ADORA2B: variants seen among roughly 807,000 people sequenced by gnomAD.
The protein encoded by ADORA2B is adenosine receptor A2b.
Under a neutral mutation model 20.8 loss-of-function variants are expected in ADORA2B, and 18 were observed. That is an observed-to-expected ratio of 0.87 (90% CI 0.60 to 1.29). ADORA2B has a LOEUF of 1.29. Among genes scored for constraint, ADORA2B ranks in the 50% most tolerant of loss-of-function variants. ADORA2B has a pLI of 0.00. For missense variants in ADORA2B, 441 were observed against 422.7 expected (o/e 1.04, Z -0.38); for synonymous variants, 179 against 178.3 (o/e 1.00, Z -0.03).
chr17:15,924,130 C>T, the ADORA2B span, among the ~76,000 whole-genome samples: 1 of 152,024 alleles, frequency 6.6e-6, no homozygotes, highest in Non-Finnish European at 1.5e-5. Flanking sequence ...CCAGGCTGGT[C>T]TCGATCTCCT....
the ADORA2B span, among the ~76,000 whole-genome samples, chr17:15,901,622 C>T: frequency 3.9e-5 from 6 of 152,192 alleles, no homozygotes; most frequent in South Asian, 1.2e-3. Context: ...ATACACTGTA[C>T]AGGGGGAAAC....
chr17:15,918,931 G>A, the ADORA2B span, among the ~76,000 whole-genome samples: 3 of 152,288 alleles, frequency 2.0e-5, no homozygotes, highest in Admixed American at 1.3e-4. Context: ...AGAGGCCCAG[G>A]CAGGAGGAGC....
chr17:15,944,762 C>T (rs1969775819), upstream of ADORA2B, among the ~76,000 whole-genome samples: 1 of 152,098 alleles, frequency 6.6e-6, no homozygotes, highest in African/African-American at 2.4e-5. This position sits in a 1 kb window ranked among gnomAD's most constrained non-coding sequence, Gnocchi z 4.8. Context: ...TCGCCCCGCC[C>T]GGGGTTGCGC....
the ADORA2B span, among the ~76,000 whole-genome samples, chr17:15,868,890 G>A: frequency 6.6e-6 from 1 of 151,094 alleles, no homozygotes; most frequent in Non-Finnish European, 1.5e-5. Context: ...AATAAATATA[G>A]TTTGAAGGGC....
At chr17:15,964,789 C>A (rs143905829) in intron 1 of ADORA2B, among the ~76,000 whole-genome samples, 1 of 151,288 alleles carries the variant, frequency 6.6e-6, no homozygotes, top group South Asian at 2.1e-4. Flanking sequence ...TGGCCGGGCG[C>A]GGTGGCTCAC....
the ADORA2B span, among the ~76,000 whole-genome samples, chr17:15,886,319 T>A: frequency 1.0e-5 from 1 of 98,376 alleles, no homozygotes; most frequent in Admixed American, 9.5e-5. Flanking sequence ...CCTGCCTGCC[T>A]GTGCCACAGC....
the ADORA2B span, among the ~76,000 whole-genome samples, chr17:15,871,016 T>G: frequency 2.6e-5 from 4 of 152,278 alleles, no homozygotes; most frequent in African/African-American, 7.2e-5. Flanking sequence ...CAGTGGAGTT[T>G]GTTTGAAAAT....
the ADORA2B span, among the ~76,000 whole-genome samples, chr17:15,865,245 T>A: frequency 0.082 from 12,430 of 152,210 alleles, 1,421 homozygotes; most frequent in African/African-American, 0.25. Flanking sequence ...GCACAAAATA[T>A]AAACTATAGT....
At chr17:15,865,632 G>A in the ADORA2B span, among the ~76,000 whole-genome samples, 1 of 152,086 alleles carries the variant, frequency 6.6e-6, no homozygotes, top group Non-Finnish European at 1.5e-5. Context: ...CAGAAGAAGA[G>A]CATCGCCAGC....
the ADORA2B span, among the ~76,000 whole-genome samples, chr17:15,857,524 A>G: frequency 2.6e-4 from 39 of 152,204 alleles, no homozygotes; most frequent in African/African-American, 9.4e-4. Flanking sequence ...GAAAGCAGCT[A>G]GAAGGGGTGT....
chr17:15,916,385 G>T, the ADORA2B span, among the ~76,000 whole-genome samples: 1 of 152,198 alleles, frequency 6.6e-6, no homozygotes, highest in Non-Finnish European at 1.5e-5. Context: ...AAAGAAGGAA[G>T]GGCTTTATTC....
chr17:15,932,490 CAA>C, the ADORA2B span, among the ~76,000 whole-genome samples: 3,797 of 76,280 alleles, frequency 0.05, 149 homozygotes, highest in African/African-American at 0.14. Flanking sequence ...AAGACTCTCT[CAA>C]AAAAAAAAAA....
At chr17:15,923,206 A>C in the ADORA2B span, among the ~76,000 whole-genome samples, 5 of 113,528 alleles carry the variant, frequency 4.4e-5, no homozygotes, top group East Asian at 2.5e-4. Context: ...TCTTTTTTTA[A>C]TTTTTTTTTT....
chr17:15,897,332 C>T, the ADORA2B span, among the ~76,000 whole-genome samples: 20 of 152,266 alleles, frequency 1.3e-4, no homozygotes, highest in African/African-American at 4.6e-4. Flanking sequence ...CTAAGGGAGG[C>T]TGAGGCAGGA....
the ADORA2B span, among the ~76,000 whole-genome samples, chr17:15,865,049 A>G: frequency 6.6e-6 from 1 of 151,864 alleles, no homozygotes; most frequent in South Asian, 2.1e-4. Flanking sequence ...TAAAGGCCCT[A>G]CATAAATGAG....
At chr17:15,889,159 C>T in the ADORA2B span, among the ~76,000 whole-genome samples, 7 of 126,178 alleles carry the variant, frequency 5.5e-5, 3 homozygotes, top group African/African-American at 2.4e-4. Flanking sequence ...TTAACCACTA[C>T]ACCCAGCCCA....
chr17:15,921,552 A>T, the ADORA2B span, among the ~76,000 whole-genome samples: 5 of 152,230 alleles, frequency 3.3e-5, no homozygotes, highest in African/African-American at 1.2e-4. Flanking sequence ...CAAAGAAAAT[A>T]AAAATGTCCT....
At chr17:15,939,786 AGGAGGC>A in the ADORA2B span, among the ~76,000 whole-genome samples, 1 of 149,104 alleles carries the variant, frequency 6.7e-6, no homozygotes, top group Non-Finnish European at 1.5e-5. Flanking sequence ...GCATGAACCC[AGGAGGC>A]GGAGCTTGCG....
At chr17:15,958,333 A>G (rs1477349475) in intron 1 of ADORA2B, among the ~76,000 whole-genome samples, 1 of 151,888 alleles carries the variant, frequency 6.6e-6, no homozygotes, top group South Asian at 2.1e-4. Context: ...ACACTTCTTA[A>G]ACTCTCCCTC....
Sources: gnomAD v4.1 joint callset for allele counts (sites outside exome capture counted in the v4.1 genomes callset) on GRCh38, gnomAD v4.1.1 for gene constraint, Gnocchi (gnomAD v3.1) non-coding constraint, MANE v1.5 for transcripts, NCBI Gene and HGNC (gene_info 2026-07-23, HGNC 2026-07-21) for gene names.